The following FAM186A variants were observed in gnomAD, a reference collection of about 807,000 sequenced individuals.
FAM186A encodes the protein protein FAM186A.
A neutral mutation model predicts 216.8 loss-of-function variants in FAM186A; 163 were observed. The ratio of observed to expected loss-of-function variants is 0.75; its 90% confidence interval spans 0.66 to 0.86. The LOEUF is 0.86. Among genes scored for constraint, FAM186A ranks in the 40% least tolerant of loss-of-function variants. The probability of loss-of-function intolerance (pLI) is 0.00; values close to 1 mark genes in which losing one functional copy is unlikely to be tolerated. For missense variants in FAM186A, 2,184 were observed against 2,746.2 expected, an observed-to-expected ratio of 0.80 and a Z score of 4.58; for synonymous variants, 805 against 1,025.3, an observed-to-expected ratio of 0.79 and a Z score of 4.10.
intron 3 of FAM186A, 28 bp from the exon 4 acceptor site, chr12:50,356,276 A>G: frequency 6.7e-7 from 1 of 1,488,798 alleles, no homozygotes. Context: ...AAACAGTGAG[A>G]TGGCATTTTT....
chr12:50,342,457 TTTTTA>T (rs1942772966), intron 4 of FAM186A, among the ~76,000 whole-genome samples: 1 of 151,524 alleles, frequency 6.6e-6, no homozygotes, highest in Non-Finnish European at 1.5e-5. Context: ...TATTTTTTAT[TTTTTA>T]TTTTATTTTA....
chr12:50,356,077 G>A lies in FAM186A; in HGVS notation c.755C>T (p.Thr252Ile), dbSNP rs568201403. The A allele has an allele frequency of 1.9e-6, 3 of 1,551,614 alleles. No homozygotes were observed. Among genetic ancestry groups the A allele is most frequent in the African/African-American group, 2.7e-5 (2 of 73,162 alleles). Reference sequence around the variant, plus strand: ...ATATTTAATAGCATTGTTTTCCAATGTACTGAACATTGTGGTGCCTATGAG... The same window carrying A: ...ATATTTAATAGCATTGTTTTCCAATATACTGAACATTGTGGTGCCTATGAG... ...QELIGTTMFS[T>I]LENNAIKYIS... is the part of the protein sequence containing the mutation. The change falls in exon 4 of 8, where the codon ACA (threonine) becomes ATA (isoleucine). Residue 252 changes from threonine (T) to isoleucine (I), a missense_variant. Thr to Ile is a moderately conservative substitution (Grantham distance 89). Transcript: ENST00000327337.
chr12:50,361,025 T>G, intron 2 of FAM186A, 99 bp from the exon 3 acceptor site: 6 of 832,638 alleles, frequency 7.2e-6, no homozygotes, highest in Non-Finnish European at 1.0e-5. Context: ...TACAGTAATA[T>G]TGGGGAATAT....
intron 1 of FAM186A, among the ~76,000 whole-genome samples, chr12:50,373,018 AG>A (rs1565893001): frequency 8.8e-5 from 12 of 136,752 alleles, no homozygotes. Context: ...AAAGAAAGAA[AG>A]AAAGAAAGAA....
Position 50,359,268 on chromosome 12 carries a change from C to T in FAM186A, c.583+1488G>A, listed in dbSNP as rs574178561. On this transcript the variant is annotated intron_variant, in intron 3 of 7. Transcript: ENST00000327337. Reference sequence around the variant, plus strand: ...ACAAAATTAGCAGGGCGTGGTGACACGTGCCTGTAATCCCAGCTGCTAGGG... The same window carrying T: ...ACAAAATTAGCAGGGCGTGGTGACATGTGCCTGTAATCCCAGCTGCTAGGG... Among the ~76,000 whole-genome samples, 9 of 151,528 alleles carry T rather than the reference C, an allele frequency of 5.9e-5. No individual in the cohort carries two copies. The South Asian group carries it at 8.4e-4, about 14-fold the overall frequency.
At chr12:50,346,996 TCA>T (rs1491218255) in intron 4 of FAM186A, among the ~76,000 whole-genome samples, 43 of 29,572 alleles carry the variant, frequency 1.5e-3, no homozygotes, top group South Asian at 3.7e-3. Flanking sequence ...AGACTCTGTC[TCA>T]AAAAAAAAAA....
At position 50,350,387 on chromosome 12, in the gene FAM186A, C is replaced by T. The variant is rs750688365; in HGVS notation, c.6445G>A (p.Val2149Ile). Residue 2149 changes from valine to isoleucine, a missense_variant, in exon 4 of 8, where the codon GTT becomes ATT. Val to Ile is a conservative substitution (Grantham distance 29, BLOSUM62 3). This residue lies in a region of FAM186A where 721 missense variants were observed against 816.4 expected (regional missense o/e 0.88). Coordinates refer to ENST00000327337, the MANE Select transcript of FAM186A (RefSeq NM_001145475.3). ...LIIEILHMDT[V>I]QLGYLFRKYI... ...TTGCGGAATAAGTATCCCAACTGAA[C>T]TGTGTCCATATGAAGTATCTCAATT... 3 of 1,551,002 alleles carry T rather than the reference C, an allele frequency of 1.9e-6. No individual in the cohort carries two copies. Among genetic ancestry groups the T allele is most frequent in the Admixed American group, 2.0e-5 (1 of 50,798 alleles).
At chr12:50,360,360 A>T (rs1212828262) in intron 3 of FAM186A, among the ~76,000 whole-genome samples, 5 of 151,782 alleles carry the variant, frequency 3.3e-5, no homozygotes, top group Non-Finnish European at 5.9e-5. Flanking sequence ...TGTACACTTA[A>T]CATGTATGCA....
intron 1 of FAM186A, chr12:50,365,748 C>T: frequency 4.0e-6 from 3 of 753,710 alleles, no homozygotes; most frequent in Non-Finnish European, 2.4e-6. Flanking sequence ...TATGTCTTCC[C>T]CTCTTTCCGA....
chr12:50,388,211 C>A (rs761718356), intron 1 of FAM186A, among the ~76,000 whole-genome samples: 6 of 152,208 alleles, frequency 3.9e-5, no homozygotes, highest in Non-Finnish European at 7.3e-5. Context: ...CAGTCCCATC[C>A]TGAAGCTAGC....
intron 4 of FAM186A, among the ~76,000 whole-genome samples, chr12:50,349,516 C>A (rs1008167203): frequency 6.6e-6 from 1 of 151,742 alleles, no homozygotes; most frequent in African/African-American, 2.4e-5. Context: ...TCCATTAGTT[C>A]AATTGCTTTA....
intron 1 of FAM186A, among the ~76,000 whole-genome samples, chr12:50,376,229 A>T (rs1022620521): frequency 6.6e-6 from 1 of 152,196 alleles, no homozygotes. Context: ...TCAGTGAGCA[A>T]GCTGGGGATG....
In FAM186A at chr12:50,353,836, TC is replaced by T; in HGVS notation, c.2995del (p.Glu999LysfsTer9). On this transcript the variant is annotated frameshift_variant, in exon 4 of 8. Coordinates refer to ENST00000327337, the MANE Select transcript of FAM186A (RefSeq NM_001145475.3). LOFTEE classifies it high-confidence loss of function. The part of the protein sequence containing the change: ...QMKETQPKEL[E>X]KMVIQTPMTL... ...CATTGGAGTTTGGATGACCATTTTT[TC>T]TAGCTCTTTAGGTTGTGTTTCCTTC... The T allele has an allele frequency of 1.9e-6, 3 of 1,551,738 alleles. No individual in the cohort carries two copies. The highest frequency in any genetic ancestry group is 2.6e-6 in the Non-Finnish European group (3 of 1,146,962).
intron 4 of FAM186A, among the ~76,000 whole-genome samples, chr12:50,346,028 C>T (rs1399845877): frequency 6.9e-5 from 10 of 144,352 alleles, no homozygotes; most frequent in Admixed American, 6.4e-4. Context: ...AAAAGTTAGC[C>T]GGGCGTGGTG....
intron 1 of FAM186A, among the ~76,000 whole-genome samples, chr12:50,368,361 C>T (rs1943110753): frequency 6.6e-6 from 1 of 151,946 alleles, no homozygotes; most frequent in Non-Finnish European, 1.5e-5. Context: ...GATTGCGCCA[C>T]TGCATTCCAG....
intron 4 of FAM186A, among the ~76,000 whole-genome samples, chr12:50,345,993 G>A (rs1227253138): frequency 3.4e-5 from 1 of 29,568 alleles, no homozygotes; most frequent in Admixed American, 6.0e-4. Context: ...GCGAGACTTT[G>A]CCTCAAAAAA....
chr12:50,377,039 G>C (rs1412772387), intron 1 of FAM186A, among the ~76,000 whole-genome samples: 1 of 152,106 alleles, frequency 6.6e-6, no homozygotes, highest in Admixed American at 6.6e-5. Flanking sequence ...ATGAGCCACT[G>C]CACCCAGCAG....
At chr12:50,365,610 C>G in intron 1 of FAM186A, 1 of 586,156 alleles carries the variant, frequency 1.7e-6, no homozygotes. Flanking sequence ...GTGTGTAGTT[C>G]TCTTCCCTTT....
At chr12:50,363,598 A>G (rs1398959322) in intron 1 of FAM186A, among the ~76,000 whole-genome samples, 2 of 152,146 alleles carry the variant, frequency 1.3e-5, no homozygotes, top group African/African-American at 4.8e-5. Context: ...GTTTGAAGCC[A>G]TATCTGGATC....
Sources: allele counts gnomAD v4.1 joint callset (sites outside exome capture counted in the v4.1 genomes callset), GRCh38; gene constraint gnomAD v4.1.1; regional missense constraint gnomAD v4.1.1; transcripts MANE v1.5; gene names NCBI Gene and HGNC (gene_info 2026-07-23, HGNC 2026-07-21).